Variants in A4GALT observed in about 807,000 individuals in gnomAD.
The protein encoded by A4GALT is alpha 1,4-galactosyltransferase (P1PK blood group), also known as lactosylceramide 4-alpha-galactosyltransferase.
For synonymous variants in A4GALT, 257 were observed against 220.7 expected (o/e 1.16, Z -1.46); for missense variants, 512 against 486.0 (o/e 1.05, Z -0.50).
In A4GALT at chr22:42,693,345, T is replaced by C. The variant is rs1930624264; in HGVS notation, c.607A>G (p.Asn203Asp). ...TGGGTGCCCAGCACGTTGGTCAGGT[T>C]CCGCAGGTTCTTGAGAACAATGAAG... is the stretch of plus-strand genomic sequence containing the variant. The part of the protein sequence containing the change: ...TDFIVLKNLR[N>D]LTNVLGTQSR... Residue 203 changes from asparagine to aspartate, a missense_variant, in exon 3 of 3, where the codon AAC (asparagine) becomes GAC (aspartate). Coordinates refer to ENST00000642412, the MANE Select transcript of A4GALT (RefSeq NM_017436.7). 9.3e-6 allele frequency: 15 copies of C among 1,613,188 alleles called. No homozygotes were observed. Among genetic ancestry groups the C allele is most frequent in the Non-Finnish European group, 1.1e-5 (13 of 1,179,984 alleles).
intron 1 of A4GALT, among the ~76,000 whole-genome samples, chr22:42,715,002 C>A (rs1046732670): frequency 7.7e-6 from 1 of 129,194 alleles, no homozygotes; most frequent in African/African-American, 3.0e-5. Flanking sequence ...GATCCAGGGG[C>A]GAGTGTGGCT....
rs1454772136 is a variant in A4GALT, at chr22:42,692,869, G to A, written c.*21C>T. On this transcript the variant is annotated 3_prime_UTR_variant, in exon 3 of 3. Coordinates refer to ENST00000642412, the MANE Select transcript of A4GALT (RefSeq NM_017436.7). This position sits in a 1 kb window ranked among gnomAD's most constrained non-coding sequence, Gnocchi z 4.6. ...CAGTGCCCCATCAGGAGCAGGTTGG[G>A]GAGGTGACCTGGCGGGCCCCTCACA... 1 of 1,598,722 alleles carries A rather than the reference G, an allele frequency of 6.3e-7. No individual in the cohort carries two copies. Among genetic ancestry groups the A allele is most frequent in the South Asian group, 1.1e-5 (1 of 91,020 alleles).
chr22:42,712,723 A>G (rs924573701), intron 1 of A4GALT, among the ~76,000 whole-genome samples: 1 of 152,160 alleles, frequency 6.6e-6, no homozygotes, highest in African/African-American at 2.4e-5. Flanking sequence ...AGGCTGGCCA[A>G]CAGGGTGAAA....
At chr22:42,708,946 A>T (rs1043551496) in intron 1 of A4GALT, among the ~76,000 whole-genome samples, 1 of 151,424 alleles carries the variant, frequency 6.6e-6, no homozygotes, top group African/African-American at 2.4e-5. Flanking sequence ...TTACAAAACA[A>T]AAGCACCAGG....
At chr22:42,713,827 A>AAG (rs1555888483) in intron 1 of A4GALT, among the ~76,000 whole-genome samples, 1 of 120,938 alleles carries the variant, frequency 8.3e-6, no homozygotes, top group East Asian at 4.3e-4. Context: ...AAAAAAAAAA[A>AAG]AAAGACAGAC....
rs1453448262 is a variant in A4GALT, at chr22:42,717,861, CTGA to C, written c.-188+2933_-188+2935del. On this transcript the variant is annotated intron_variant, in intron 1 of 2. Transcript: ENST00000642412. The stretch of plus-strand genomic sequence containing the variant: ...AGACCAGACAAGGGGTAAAACCTTA[CTGA>C]TGAGCTCAAACCAATCAATAAGCAA... Among the ~76,000 whole-genome samples, 5 of 152,192 alleles carry C rather than the reference CTGA, an allele frequency of 3.3e-5. No homozygotes were observed. The East Asian group carries it at 9.6e-4, about 29-fold the overall frequency.
At chr22:42,705,589 ATT>A (rs1312467334) in intron 1 of A4GALT, among the ~76,000 whole-genome samples, 1 of 93,266 alleles carries the variant, frequency 1.1e-5, no homozygotes, top group African/African-American at 3.2e-5. Flanking sequence ...GGCGACAGAG[ATT>A]CTGTCTCAAA....
In A4GALT at chr22:42,693,522, G is replaced by A. The variant is rs768937923; in HGVS notation, c.430C>T (p.Leu144=). The A allele has an allele frequency of 3.1e-6, 5 of 1,613,334 alleles. No homozygotes were observed. The highest frequency in any genetic ancestry group is 2.2e-5 in the South Asian group (2 of 91,078). ...TCCCGGAACAGCTCCCGCAGGTCCA[G>A]CGGGAGCATCTGGACATTCGGGAAG... ...SCFPNVQMLP[L]DLRELFRDTP... Residue 144 remains leucine, a synonymous_variant, in exon 3 of 3, where the codon CTG becomes TTG. Coordinates refer to ENST00000642412, the MANE Select transcript of A4GALT (RefSeq NM_017436.7).
Position 42,693,225 on chromosome 22 carries a change from C to T in A4GALT, c.727G>A (p.Gly243Ser). The T allele has an allele frequency of 6.2e-7, 1 of 1,608,574 alleles. No individual in the cohort carries two copies. The highest frequency in any genetic ancestry group is 8.5e-7 in the Non-Finnish European group (1 of 1,178,172). Residue 243 changes from glycine to serine, a missense_variant, in exon 3 of 3, where the codon GGC becomes AGC. Gly to Ser is a moderately conservative substitution (Grantham distance 56). Coordinates refer to ENST00000642412, the MANE Select transcript of A4GALT (RefSeq NM_017436.7). ...CMRDFVDHYN[G>S]WIWGHQGPQL... is the part of the protein sequence containing the mutation. The stretch of plus-strand genomic sequence containing the variant: ...GGGCCCTGGTGACCCCAGATCCAGC[C>T]GTTGTAGTGGTCCACGAAGTCCCGC...
chr22:42,706,296 A>T (rs1234091923), intron 1 of A4GALT, among the ~76,000 whole-genome samples: 1 of 136,010 alleles, frequency 7.4e-6, no homozygotes, highest in Non-Finnish European at 1.5e-5. Flanking sequence ...CAGAGCTTGT[A>T]GTGAGCTGAG....
intron 1 of A4GALT, among the ~76,000 whole-genome samples, 161 bp downstream of exon 1, chr22:42,720,636 C>A (rs1922640567): frequency 6.6e-6 from 1 of 151,938 alleles, no homozygotes; most frequent in Non-Finnish European, 1.5e-5. Context: ...GGGGTTCGTG[C>A]GCGCACAAAT....
In A4GALT at chr22:42,693,907, G is replaced by C; in HGVS notation, c.45C>G (p.Ala15=). 6.2e-7 allele frequency: 1 copy of C among 1,607,508 alleles called. No individual in the cohort carries two copies. Among genetic ancestry groups the C allele is most frequent in the Non-Finnish European group, 8.5e-7 (1 of 1,177,778 alleles). ...PDLLLRLLRG[A]PRQRVCTLFI... Reference sequence around the variant, plus strand: ...ACAGGGTGCAGACCCGCTGCCTTGGGGCGCCCCGGAGCAGCCGCAGCAGGA... The same window carrying C: ...ACAGGGTGCAGACCCGCTGCCTTGGCGCGCCCCGGAGCAGCCGCAGCAGGA... The change falls in exon 3 of 3, where the codon GCC becomes GCG. Residue 15 remains alanine, a synonymous_variant. Coordinates refer to ENST00000642412, the MANE Select transcript of A4GALT (RefSeq NM_017436.7).
chr22:42,702,589 G>A (rs560915783), intron 1 of A4GALT, among the ~76,000 whole-genome samples: 47 of 152,266 alleles, frequency 3.1e-4, no homozygotes, highest in East Asian at 2.5e-3. Flanking sequence ...CGCCCACCTC[G>A]GCCTCCCAAA....
At chr22:42,701,197 G>T (rs1931277526) in intron 1 of A4GALT, among the ~76,000 whole-genome samples, 1 of 152,200 alleles carries the variant, frequency 6.6e-6, no homozygotes, top group Non-Finnish European at 1.5e-5. Context: ...AGGCCTGGAG[G>T]ACAACGGCCT....
intron 1 of A4GALT, among the ~76,000 whole-genome samples, chr22:42,699,812 T>C (rs1931179666): frequency 6.6e-6 from 1 of 152,138 alleles, no homozygotes; most frequent in African/African-American, 2.4e-5. Context: ...CTCCTGGGTG[T>C]GTCTGGGGGT....
chr22:42,706,216 G>A (rs547367266), intron 1 of A4GALT, among the ~76,000 whole-genome samples: 16 of 149,834 alleles, frequency 1.1e-4, no homozygotes, highest in East Asian at 3.9e-4. Context: ...TTAGCCAGGC[G>A]TGGTGGCGGG....
intron 1 of A4GALT, among the ~76,000 whole-genome samples, chr22:42,701,987 C>A (rs1298849738): frequency 1.3e-5 from 2 of 152,182 alleles, no homozygotes; most frequent in African/African-American, 4.8e-5. Flanking sequence ...ATGACCTCCT[C>A]AATCGACCAA....
At chr22:42,710,856 T>C (rs1453619339) in intron 1 of A4GALT, among the ~76,000 whole-genome samples, 2 of 151,824 alleles carry the variant, frequency 1.3e-5, no homozygotes, top group Non-Finnish European at 2.9e-5. Context: ...ACCCTATCTC[T>C]ACTAAAAATA....
chr22:42,719,443 A>G (rs968305736), intron 1 of A4GALT, among the ~76,000 whole-genome samples: 5 of 152,196 alleles, frequency 3.3e-5, no homozygotes, highest in African/African-American at 1.2e-4. Context: ...TGACAGAGGG[A>G]GACCCTAAAA....
Sources: allele counts gnomAD v4.1 joint callset (sites outside exome capture counted in the v4.1 genomes callset), GRCh38; gene constraint gnomAD v4.1.1; non-coding constraint Gnocchi (gnomAD v3.1); transcripts MANE v1.5; gene names NCBI Gene and HGNC (gene_info 2026-07-23, HGNC 2026-07-21).